The following TMX2 variants were observed in gnomAD, a reference collection of about 807,000 sequenced individuals.
TMX2 encodes the protein thioredoxin related transmembrane protein 2.
In TMX2, 20 loss-of-function variants were observed where a neutral mutation model predicts 33.4. The ratio of observed to expected loss-of-function variants is 0.60; its 90% CI spans 0.42 to 0.87. The LOEUF is 0.87. TMX2 is among the 40% of genes least tolerant of loss of function. The pLI is 0.00. For missense variants in TMX2, 340 were observed against 370.7 expected (o/e 0.92, Z 0.68); for synonymous variants, 166 against 140.7 (o/e 1.18, Z -1.27).
chr11:57,738,820 CCT>C (rs1338383901), intron 5 of TMX2, 50 bp downstream of exon 5: 1 of 1,570,608 alleles, frequency 6.4e-7, no homozygotes, highest in South Asian at 1.1e-5. Flanking sequence ...CTGTGCCTTC[CCT>C]CTCACTGTTT....
chr11:57,715,728 C>G (rs1399708484), intron 1 of TMX2, among the ~76,000 whole-genome samples: 1 of 151,770 alleles, frequency 6.6e-6, no homozygotes, highest in East Asian at 1.9e-4. Context: ...AGGACCCTGC[C>G]GCCTTCCGCA....
chr11:57,716,108 A>G (rs554012406), intron 1 of TMX2, among the ~76,000 whole-genome samples: 66 of 152,106 alleles, frequency 4.3e-4, no homozygotes, highest in Middle Eastern at 3.4e-3. Flanking sequence ...TACACCTCCC[A>G]GACGGGGTGG....
At chr11:57,716,353 A>T (rs78720316) in intron 1 of TMX2, among the ~76,000 whole-genome samples, 8 of 13,486 alleles carry the variant, frequency 5.9e-4, no homozygotes, top group South Asian at 2.8e-3. Flanking sequence ...GCTGACCCCC[A>T]CACCTCCCTC....
chr11:57,731,198 A>G (rs1238741931), intron 1 of TMX2, among the ~76,000 whole-genome samples: 3 of 130,510 alleles, frequency 2.3e-5, no homozygotes, highest in South Asian at 2.4e-4. Context: ...GAGTGGTGCA[A>G]TTTCCACTCA....
At chr11:57,735,088 C>T (rs1007475998) in intron 1 of TMX2, among the ~76,000 whole-genome samples, 13 of 151,676 alleles carry the variant, frequency 8.6e-5, no homozygotes, top group African/African-American at 3.1e-4. Context: ...CGAGATCATG[C>T]CCCTGCATTC....
intron 1 of TMX2, among the ~76,000 whole-genome samples, chr11:57,736,557 T>C (rs1039105810): frequency 2.0e-5 from 3 of 151,780 alleles, no homozygotes; most frequent in Non-Finnish European, 4.4e-5. Context: ...CAAAAGTACA[T>C]GGATTATCAC....
rs117994577 is a variant in TMX2 at position 57,728,414 on chromosome 11, C to T, written c.190-9194C>T. ...GTAATATGGCTCCCAACGTTGGCCTCAGAGAAGACTCAGAACCCCAAAGGA... is the reference window on the plus strand; with the variant it reads ...GTAATATGGCTCCCAACGTTGGCCTTAGAGAAGACTCAGAACCCCAAAGGA... On this transcript the variant is annotated intron_variant, in intron 1 of 7. Transcript: ENST00000278422. Among the ~76,000 whole-genome samples the T allele has an allele frequency of 1.5e-3, 228 of 152,222 alleles. 12 individuals are homozygous for T. The East Asian group carries it at 0.043, about 29-fold the overall frequency.
In TMX2 at chr11:57,732,319, C is replaced by G. The variant is rs558849688; in HGVS notation, c.190-5289C>G. 3.9e-5 allele frequency among the ~76,000 whole-genome samples: 6 copies of G among 152,304 alleles called. No individual in the cohort carries two copies. The South Asian group carries it at 1.0e-3, about 26-fold the overall frequency. On this transcript the variant is annotated intron_variant, in intron 1 of 7. Transcript: ENST00000278422. ...TTCCAGCCCCCAAAATGAGTCATTA[C>G]CTTTACCAGAACCCACTCCCTTATT... is the stretch of plus-strand genomic sequence containing the variant.
intron 1 of TMX2, among the ~76,000 whole-genome samples, chr11:57,728,741 CTG>C (rs1311497292): frequency 3.9e-5 from 6 of 152,086 alleles, no homozygotes; most frequent in African/African-American, 1.2e-4. Context: ...TTCATAGAGA[CTG>C]AGTTTTTCAG....
intron 1 of TMX2, among the ~76,000 whole-genome samples, chr11:57,735,566 G>T (rs533536641): frequency 7.4e-4 from 112 of 152,296 alleles, no homozygotes; most frequent in Non-Finnish European, 1.6e-4. Flanking sequence ...CTGTCAGGCA[G>T]GGAAGCATAG....
chr11:57,731,133 T>TTG (rs1256671971), intron 1 of TMX2, among the ~76,000 whole-genome samples: 870 of 35,420 alleles, frequency 0.025, 30 homozygotes, highest in Middle Eastern at 0.09. Context: ...TTGTTTTTTT[T>TTG]TTTTTTTTTT....
chr11:57,731,134 T>TTG (rs1565227225), intron 1 of TMX2, among the ~76,000 whole-genome samples: 9 of 68,120 alleles, frequency 1.3e-4, no homozygotes, highest in South Asian at 4.4e-4. Context: ...TGTTTTTTTT[T>TTG]TTTTTTTTTT....
chr11:57,739,089 GATAC>G (rs770324556), intron 6 of TMX2, 38 bp from the exon 7 acceptor site: 26 of 1,614,020 alleles, frequency 1.6e-5, no homozygotes, highest in Non-Finnish European at 2.0e-5. Flanking sequence ...CACTTTGAGT[GATAC>G]ATACAGGGAC....
Position 57,712,700 on chromosome 11 carries a change from C to A in TMX2, c.82C>A (p.Leu28Met). Residue 28 changes from leucine to methionine, a missense_variant, in exon 1 of 8, where the codon CTG (leucine) becomes ATG (methionine). Leu to Met is a conservative substitution (Grantham distance 15). Around this residue, in one of 3 missense-constraint regions of TMX2, gnomAD observed 106 missense variants for 82.7 expected, o/e 1.28. Coordinates refer to ENST00000278422, the MANE Select transcript of TMX2 (RefSeq NM_015959.4). ...SRWLAQPYYL[L>M]SALLSAAFLL... is the part of the protein sequence containing the mutation. Reference sequence around the variant, plus strand: ...ATGGCTCGCCCAACCTTACTACCTTCTGTCGGCCCTGCTCTCTGCTGCCTT... The same window carrying A: ...ATGGCTCGCCCAACCTTACTACCTTATGTCGGCCCTGCTCTCTGCTGCCTT... 6.2e-7 allele frequency: 1 copy of A among 1,614,204 alleles called. No homozygotes were observed. The highest frequency in any genetic ancestry group is 1.3e-5 in the African/African-American group (1 of 75,062).
rs754335580 is a variant in TMX2 at position 57,737,981 on chromosome 11, C to G, written c.319C>G (p.Arg107Gly). The G allele has an allele frequency of 3.1e-6, 5 of 1,613,858 alleles. No homozygotes were observed. The highest frequency in any genetic ancestry group is 4.2e-6 in the Non-Finnish European group (5 of 1,179,944). ...SKVANTILFF[R>G]LDIRMGLLYI... ...AGTGGCCAACACAATTCTTTTCTTC[C>G]GCTTGGATATTCGCATGGGCCTACT... The change falls in exon 3 of 8, where the codon CGC becomes GGC. Residue 107 changes from arginine to glycine, a missense_variant. Physicochemically the swap from Arg to Gly is moderately radical, Grantham distance 125. Transcript: ENST00000278422.
At chr11:57,723,805 A>AAATAATAATAATAAT (rs71061533) in intron 1 of TMX2, among the ~76,000 whole-genome samples, 16,738 of 142,156 alleles carry the variant, frequency 0.12, 1,100 homozygotes, top group Non-Finnish European at 0.15. Flanking sequence ...TCTGTCTCAA[A>AAATAATAATAATAAT]AATAATAATA....
In TMX2 at chr11:57,717,977, C is replaced by G. The variant is rs180771447; in HGVS notation, c.189+5170C>G. ...TGCGAGCAAATGGGGTAGAGGGGTG[C>G]TCTCCTGAGAGGAGAGCACAGAAGG... On this transcript the variant is annotated intron_variant, in intron 1 of 7. Transcript: ENST00000278422. 155 of 739,426 alleles carry G rather than the reference C, an allele frequency of 2.1e-4. 2 individuals are homozygous for G. The Middle Eastern group carries it at 2.7e-3, about 13-fold the overall frequency. 45.8% of individuals were successfully genotyped at this position (739,426 alleles called of 1,614,324 possible). A position where few individuals can be genotyped will look rare whatever the true frequency, so the allele number is the denominator to read the frequency against.
chr11:57,738,635 A>G, intron 4 of TMX2, 29 bp from the exon 5 acceptor site: 1 of 1,589,718 alleles, frequency 6.3e-7, no homozygotes, highest in Non-Finnish European at 8.6e-7. Flanking sequence ...ATGTGGATCC[A>G]GCTGACTTTT....
At chr11:57,737,400 C>G (rs867659060) in intron 1 of TMX2, among the ~76,000 whole-genome samples, 4 of 152,206 alleles carry the variant, frequency 2.6e-5, no homozygotes, top group Non-Finnish European at 1.5e-5. Context: ...AAAAGAAAAG[C>G]ACCAGCAAGT....
Sources: allele counts gnomAD v4.1 joint callset (sites outside exome capture counted in the v4.1 genomes callset), GRCh38; gene constraint gnomAD v4.1.1; regional missense constraint gnomAD v4.1.1; transcripts MANE v1.5; gene names NCBI Gene and HGNC (gene_info 2026-07-23, HGNC 2026-07-21).